The following WIF1 variants were observed in gnomAD, a reference collection of about 807,000 sequenced individuals.
The protein encoded by WIF1 is Wnt inhibitory factor 1.
In WIF1, 35 loss-of-function variants were observed where a neutral mutation model predicts 53.5. The observed-to-expected ratio is 0.65, with a 90% confidence interval of 0.50 to 0.87. The LOEUF (loss-of-function observed/expected upper bound fraction) is 0.87. Ranked by LOEUF, WIF1 falls within the 40% of genes least tolerant of loss-of-function variation. WIF1 has a pLI of 0.00. For synonymous variants in WIF1, 171 were observed against 170.4 expected, an observed-to-expected ratio of 1.00 and a Z score of -0.03; for missense variants, 467 against 476.8, an observed-to-expected ratio of 0.98 and a Z score of 0.19.
intron 2 of WIF1, among the ~76,000 whole-genome samples, chr12:65,102,743 C>T (rs934274116): frequency 6.6e-6 from 1 of 152,158 alleles, no homozygotes; most frequent in Non-Finnish European, 1.5e-5. Flanking sequence ...CATTCCTAGG[C>T]TCATACAAGC....
intron 2 of WIF1, among the ~76,000 whole-genome samples, chr12:65,105,238 G>T (rs558558504): frequency 1.3e-5 from 2 of 152,230 alleles, no homozygotes; most frequent in South Asian, 4.2e-4. Flanking sequence ...TTATGCAGCT[G>T]CCTAGGAAAT....
intron 2 of WIF1, among the ~76,000 whole-genome samples, chr12:65,094,133 C>G (rs1027500164): frequency 6.6e-6 from 1 of 152,148 alleles, no homozygotes. Flanking sequence ...CAGCTACTGT[C>G]AGCCTTGAAC....
chr12:65,073,590 C>T (rs1882814833), intron 3 of WIF1, among the ~76,000 whole-genome samples: 2 of 152,106 alleles, frequency 1.3e-5, no homozygotes, highest in African/African-American at 4.8e-5. Context: ...TTTCTTCATG[C>T]AATATTTAGG....
At chr12:65,056,188 T>G in intron 7 of WIF1, 62 bp from the exon 8 acceptor site, 1 of 1,496,598 alleles carries the variant, frequency 6.7e-7, no homozygotes, top group East Asian at 2.3e-5. Flanking sequence ...GGTAATTACA[T>G]TTTTCAAAGG....
Position 65,055,729 on chromosome 12 carries a change from C to T in WIF1, c.922+302G>A, listed in dbSNP as rs150081836. Among the ~76,000 whole-genome samples, 690 of 152,296 alleles carry T rather than the reference C, an allele frequency of 4.5e-3. 3 individuals carry two copies. Among genetic ancestry groups the T allele is most frequent in the African/African-American group, 0.016 (651 of 41,552 alleles). ...GGCGGAGGTTTCAATGGGCCTAGATCGCGCCACTGCACTCCAGCCTGGGCG... is the reference window on the plus strand; with the variant it reads ...GGCGGAGGTTTCAATGGGCCTAGATTGCGCCACTGCACTCCAGCCTGGGCG... On this transcript the variant is annotated intron_variant, in intron 8 of 9. Transcript: ENST00000286574.
chr12:65,081,720 A>T lies in WIF1; in HGVS notation c.289-3866T>A, dbSNP rs765946869. Among the ~76,000 whole-genome samples the T allele has an allele frequency of 1.7e-3, 254 of 152,270 alleles. 1 individual carries two copies. Among genetic ancestry groups the T allele is most frequent in the Admixed American group, 5.7e-3 (87 of 15,274 alleles). ...GAGTAAATCGTTTTCTTTCTTGCTGAAGATGATAACTAATGGTGCATGAAT... is the reference window on the plus strand; with the variant it reads ...GAGTAAATCGTTTTCTTTCTTGCTGTAGATGATAACTAATGGTGCATGAAT... On this transcript the variant is annotated intron_variant, in intron 2 of 9. Transcript: ENST00000286574.
chr12:65,077,961 A>T, intron 2 of WIF1, 107 bp from the exon 3 acceptor site: 1 of 813,266 alleles, frequency 1.2e-6, no homozygotes, highest in Non-Finnish European at 2.0e-6. Flanking sequence ...TCATTACAGG[A>T]ACTCTGGAGC....
At chr12:65,104,719 C>T (rs1883329685) in intron 2 of WIF1, among the ~76,000 whole-genome samples, 1 of 152,156 alleles carries the variant, frequency 6.6e-6, no homozygotes, top group Admixed American at 6.5e-5. Context: ...CTCCTCCTTC[C>T]ACCCCACCAC....
intron 2 of WIF1, among the ~76,000 whole-genome samples, chr12:65,113,091 C>T (rs1883457382): frequency 6.6e-6 from 1 of 152,158 alleles, no homozygotes. Flanking sequence ...TGATTGAGTG[C>T]TTGAGTCGGA....
At chr12:65,054,736 T>C (rs1355971524) in intron 9 of WIF1, among the ~76,000 whole-genome samples, 1 of 152,230 alleles carries the variant, frequency 6.6e-6, no homozygotes, top group Non-Finnish European at 1.5e-5. Context: ...ACACTGATTC[T>C]ACATTTGATT....
intron 5 of WIF1, among the ~76,000 whole-genome samples, chr12:65,067,135 A>AT (rs1182303625): frequency 2.0e-5 from 3 of 152,106 alleles, no homozygotes; most frequent in Non-Finnish European, 4.4e-5. Context: ...TTTTAAAATT[A>AT]TTTTTTAACT....
rs112737484 is a variant in WIF1 at position 65,061,178 on chromosome 12, T to C, written c.826+1303A>G. On this transcript the variant is annotated intron_variant, in intron 7 of 9. Transcript: ENST00000286574. ...ACATGTTCTATGGAAACTTTAGAGGTATTTCATTTGAACCCTATAAAAATG... is the reference window on the plus strand; with the variant it reads ...ACATGTTCTATGGAAACTTTAGAGGCATTTCATTTGAACCCTATAAAAATG... 4.0e-3 allele frequency among the ~76,000 whole-genome samples: 603 copies of C among 152,248 alleles called. 7 individuals are homozygous for C. Among genetic ancestry groups the C allele is most frequent in the African/African-American group, 0.014 (578 of 41,554 alleles).
intron 7 of WIF1, among the ~76,000 whole-genome samples, chr12:65,062,058 T>G (rs910391770): frequency 1.3e-5 from 2 of 152,194 alleles, no homozygotes; most frequent in African/African-American, 4.8e-5. Context: ...GATGGGTTGT[T>G]AGGCTCAGTC....
At chr12:65,056,183 T>C in intron 7 of WIF1, 57 bp from the exon 8 acceptor site, 1 of 1,526,654 alleles carries the variant, frequency 6.6e-7, no homozygotes, top group Non-Finnish European at 9.0e-7. Flanking sequence ...TCAGAGGTAA[T>C]TACATTTTTC....
intron 7 of WIF1, among the ~76,000 whole-genome samples, chr12:65,056,849 C>T (rs774629710): frequency 1.3e-5 from 2 of 151,540 alleles, no homozygotes; most frequent in Non-Finnish European, 2.9e-5. Context: ...AGGGTTTCAC[C>T]TTCTTGGCCA....
At chr12:65,086,053 GT>G (rs1271408805) in intron 2 of WIF1, among the ~76,000 whole-genome samples, 1 of 151,736 alleles carries the variant, frequency 6.6e-6, no homozygotes. Context: ...AACAGTTAAG[GT>G]TTTTTACTTT....
intron 2 of WIF1, among the ~76,000 whole-genome samples, chr12:65,110,039 A>C (rs1343033690): frequency 6.6e-6 from 1 of 152,246 alleles, no homozygotes; most frequent in Non-Finnish European, 1.5e-5. Context: ...TTGTATAAAG[A>C]TATTACCATT....
chr12:65,104,200 A>G (rs767514849), intron 2 of WIF1, among the ~76,000 whole-genome samples: 4 of 152,200 alleles, frequency 2.6e-5, no homozygotes, highest in African/African-American at 4.8e-5. Flanking sequence ...TTATTAGGTT[A>G]AATCACATAA....
intron 2 of WIF1, among the ~76,000 whole-genome samples, chr12:65,101,712 T>TA (rs1170954175): frequency 1.3e-5 from 2 of 152,052 alleles, no homozygotes; most frequent in Non-Finnish European, 2.9e-5. Context: ...GAGTTGAAAA[T>TA]AAAAAACCCT....
Sources: allele counts gnomAD v4.1 joint callset (sites outside exome capture counted in the v4.1 genomes callset), GRCh38; gene constraint gnomAD v4.1.1; transcripts MANE v1.5; gene names NCBI Gene and HGNC (gene_info 2026-07-23, HGNC 2026-07-21).